CACNA2D3: variants seen among roughly 807,000 people sequenced by gnomAD.
CACNA2D3 encodes voltage-dependent calcium channel subunit alpha-2/delta-3.
Under a neutral mutation model 160.6 loss-of-function variants are expected in CACNA2D3, and 60 were observed. The ratio of observed to expected loss-of-function variants is 0.37; its 90% CI spans 0.30 to 0.46. The LOEUF (loss-of-function observed/expected upper bound fraction) is 0.46, where lower values mean the gene tolerates loss of function less well. CACNA2D3 is among the 20% of genes least tolerant of loss of function. The pLI is 1.00. For synonymous variants in CACNA2D3, 558 were observed against 492.9 expected, an observed-to-expected ratio of 1.13 and a Z score of -1.75; for missense variants, 1,205 against 1,365.0, an observed-to-expected ratio of 0.88 and a Z score of 1.85.
At chr3:54,958,245 C>T (rs547122096) in intron 27 of CACNA2D3, among the ~76,000 whole-genome samples, 5 of 152,322 alleles carry the variant, frequency 3.3e-5, no homozygotes, top group Non-Finnish European at 5.9e-5. Context: ...TTCCATGTAT[C>T]GGATGGGTGT....
At chr3:54,716,982 C>G (rs557953422) in intron 11 of CACNA2D3, among the ~76,000 whole-genome samples, 2 of 151,568 alleles carry the variant, frequency 1.3e-5, no homozygotes, top group African/African-American at 2.4e-5. Context: ...CCAGGACCTT[C>G]AAGCCTCCTT....
At chr3:54,764,594 G>C (rs1407064770) in intron 13 of CACNA2D3, among the ~76,000 whole-genome samples, 2 of 152,172 alleles carry the variant, frequency 1.3e-5, no homozygotes, top group Non-Finnish European at 2.9e-5. Flanking sequence ...CGTTTTGCTT[G>C]TCTTTTCTCG....
At chr3:54,549,545 C>T (rs775120025) in intron 5 of CACNA2D3, among the ~76,000 whole-genome samples, 31 of 152,204 alleles carry the variant, frequency 2.0e-4, no homozygotes, top group African/African-American at 3.9e-4. Context: ...GATCTCCCTG[C>T]GTGCCGTGTC....
At chr3:54,320,190 G>A (rs778419724) in intron 2 of CACNA2D3, among the ~76,000 whole-genome samples, 1 of 152,182 alleles carries the variant, frequency 6.6e-6, no homozygotes, top group Admixed American at 6.5e-5. Flanking sequence ...ACAGATGATC[G>A]TTTAATTGGG....
At chr3:54,210,298 C>A (rs556829695) in intron 2 of CACNA2D3, among the ~76,000 whole-genome samples, 1 of 152,170 alleles carries the variant, frequency 6.6e-6, no homozygotes, top group Admixed American at 6.5e-5. Context: ...ATGAGGTGAC[C>A]TTCTTTTAAG....
chr3:54,797,557 T>C (rs1702891466), intron 13 of CACNA2D3, among the ~76,000 whole-genome samples: 1 of 152,232 alleles, frequency 6.6e-6, no homozygotes, highest in African/African-American at 2.4e-5. Flanking sequence ...TACGGTTTTT[T>C]TGGTCTCCCC....
At chr3:54,257,298 C>T (rs992025396) in intron 2 of CACNA2D3, among the ~76,000 whole-genome samples, 2 of 152,164 alleles carry the variant, frequency 1.3e-5, no homozygotes, top group Non-Finnish European at 2.9e-5. Context: ...CTGTAATGTA[C>T]GGCAAATATC....
chr3:54,804,705 T>C (rs954121430), intron 13 of CACNA2D3, among the ~76,000 whole-genome samples: 11 of 152,276 alleles, frequency 7.2e-5, no homozygotes, highest in Non-Finnish European at 1.2e-4. Flanking sequence ...GCGGACCTAA[T>C]AGATATCTAC....
chr3:55,070,078 C>G (rs1704767151), intron 35 of CACNA2D3, among the ~76,000 whole-genome samples: 3 of 152,210 alleles, frequency 2.0e-5, no homozygotes, highest in South Asian at 4.1e-4. Context: ...AGAAGTTGCT[C>G]TATCCCAGGC....
intron 4 of CACNA2D3, among the ~76,000 whole-genome samples, chr3:54,417,796 G>GT (rs879810985): frequency 0.17 from 14,801 of 86,640 alleles, 733 homozygotes; most frequent in African/African-American, 0.3. Flanking sequence ...CTGTGTGTGT[G>GT]GGGGGGGGGG....
chr3:54,255,730 C>T (rs994090617), intron 2 of CACNA2D3, among the ~76,000 whole-genome samples: 6 of 152,122 alleles, frequency 3.9e-5, no homozygotes, highest in Admixed American at 6.6e-5. Flanking sequence ...CCATATTCCC[C>T]GCTGCAGGCC....
intron 35 of CACNA2D3, among the ~76,000 whole-genome samples, chr3:55,040,398 A>T (rs6780007): frequency 0.39 from 59,824 of 152,050 alleles, 11,985 homozygotes; most frequent in African/African-American, 0.44. Context: ...CAAAAATAAT[A>T]TTCAAATATC....
intron 27 of CACNA2D3, among the ~76,000 whole-genome samples, chr3:54,900,340 G>T (rs538516669): frequency 6.6e-6 from 1 of 152,176 alleles, no homozygotes; most frequent in Non-Finnish European, 1.5e-5. Flanking sequence ...GTATCTGCAG[G>T]TGCTGTGTTT....
chr3:55,018,810 T>G (rs1703384169), intron 35 of CACNA2D3, among the ~76,000 whole-genome samples: 1 of 152,190 alleles, frequency 6.6e-6, no homozygotes, highest in South Asian at 2.1e-4. Flanking sequence ...TTATTTCAAT[T>G]GGACAGTTCC....
At chr3:54,244,374 G>T (rs953699773) in intron 2 of CACNA2D3, among the ~76,000 whole-genome samples, 8 of 152,180 alleles carry the variant, frequency 5.3e-5, no homozygotes, top group Non-Finnish European at 1.0e-4. Flanking sequence ...GAATGAGACC[G>T]CATATGTGCA....
At chr3:54,453,635 A>G (rs965722608) in intron 4 of CACNA2D3, among the ~76,000 whole-genome samples, 7 of 152,200 alleles carry the variant, frequency 4.6e-5, no homozygotes, top group African/African-American at 1.7e-4. Context: ...GGCCCAGTCC[A>G]AGGATTCAAA....
chr3:55,028,381 C>G (rs1374979817), intron 35 of CACNA2D3, among the ~76,000 whole-genome samples: 1 of 152,126 alleles, frequency 6.6e-6, no homozygotes, highest in African/African-American at 2.4e-5. Context: ...TTTGGCTGCT[C>G]TAACCAATAA....
chr3:55,018,946 CT>C (rs35956279), intron 35 of CACNA2D3, among the ~76,000 whole-genome samples: 6,227 of 118,422 alleles, frequency 0.053, 149 homozygotes, highest in African/African-American at 0.073. Context: ...TTACAGATGC[CT>C]TTTTTTTTTT....
intron 17 of CACNA2D3, among the ~76,000 whole-genome samples, chr3:54,854,759 T>C (rs920000893): frequency 6.6e-5 from 10 of 152,080 alleles, no homozygotes; most frequent in African/African-American, 1.9e-4. Flanking sequence ...ATTTAAAAAA[T>C]TAAATTAATA....
Sources: gnomAD v4.1 joint callset for allele counts (sites outside exome capture counted in the v4.1 genomes callset) on GRCh38, gnomAD v4.1.1 for gene constraint, MANE v1.5 for transcripts, NCBI Gene and HGNC (gene_info 2026-07-23, HGNC 2026-07-21) for gene names.